Variants in KCNK3 observed in about 807,000 individuals in gnomAD.
The protein encoded by KCNK3 is potassium two pore domain channel subfamily K member 3, also known as potassium channel subfamily K member 3.
In KCNK3, 9 loss-of-function variants were observed where a neutral mutation model predicts 27.3. The ratio of observed to expected loss-of-function variants is 0.33; its 90% CI spans 0.20 to 0.57. KCNK3 has a LOEUF of 0.57. Among genes scored for constraint, KCNK3 ranks in the 20% least tolerant of loss-of-function variants. The pLI, the probability that KCNK3 is intolerant of heterozygous loss-of-function variation, is 0.87. For missense variants in KCNK3, 391 were observed against 577.7 expected, an observed-to-expected ratio of 0.68 and a Z score of 3.31; for synonymous variants, 278 against 273.8, an observed-to-expected ratio of 1.02 and a Z score of -0.15.
Position 26,692,987 on chromosome 2 carries a change from C to A in KCNK3, c.112C>A (p.Arg38=), listed in dbSNP as rs1361761814. The A allele has an allele frequency of 6.3e-7, 1 of 1,575,386 alleles. No individual in the cohort carries two copies. Among genetic ancestry groups the A allele is most frequent in the Middle Eastern group, 1.9e-4 (1 of 5,364 alleles). Residue 38 remains arginine, a synonymous_variant, in exon 1 of 2, where the codon CGG becomes AGG. Transcript: ENST00000302909. The surrounding 1 kb of genome is among the most constrained non-coding windows in gnomAD (Gnocchi z 5.6). ...GGAGTCGGAGCCCGAGCTGATCGAG[C>A]GGCAGCGGCTGGAGCTGCGGCAGCA... ...ALESEPELIE[R]QRLELRQQEL...
chr2:26,693,602 G>C lies in KCNK3; in HGVS notation c.283+444G>C, dbSNP rs974107574. On this transcript the variant is annotated intron_variant, in intron 1 of 1. Transcript: ENST00000302909. The surrounding 1 kb of genome is among the most constrained non-coding windows in gnomAD (Gnocchi z 5.5). ...GTCTACACCTGCTGGGCTCTGGGGA[G>C]GCATGAGGATGTCGGAATGCGGCAC... is the stretch of plus-strand genomic sequence containing the variant. 1.8e-4 allele frequency among the ~76,000 whole-genome samples: 28 copies of C among 152,214 alleles called. No individual in the cohort carries two copies. Among genetic ancestry groups the C allele is most frequent in the African/African-American group, 5.3e-4 (22 of 41,460 alleles).
rs1572599456 is a variant in KCNK3, at chr2:26,694,311, C to G, written c.283+1153C>G. On this transcript the variant is annotated intron_variant, in intron 1 of 1. Transcript: ENST00000302909. ...TTGAGATGCCTCCAGAAGCAGTTTC[C>G]TCTGTCTTTACTGTTCCCTCTCCTC... Among the ~76,000 whole-genome samples, 4 of 152,324 alleles carry G rather than the reference C, an allele frequency of 2.6e-5. No individual in the cohort carries two copies. In the South Asian group the frequency reaches 8.3e-4, roughly 32 times the overall value.
chr2:26,726,959 C>T (rs1663431755), intron 1 of KCNK3, among the ~76,000 whole-genome samples: 1 of 152,182 alleles, frequency 6.6e-6, no homozygotes, highest in Admixed American at 6.5e-5. Context: ...GATGGGGACC[C>T]TGGAACACTC....
At chr2:26,704,927 C>G (rs1456526925) in intron 1 of KCNK3, among the ~76,000 whole-genome samples, 1 of 152,160 alleles carries the variant, frequency 6.6e-6, no homozygotes, top group East Asian at 1.9e-4. Flanking sequence ...TTACCTCATC[C>G]AATCCTCATG....
rs1213240708 is a variant in KCNK3, at chr2:26,693,425, C to T, written c.283+267C>T. Among the ~76,000 whole-genome samples, 3 of 152,230 alleles carry T rather than the reference C, an allele frequency of 2.0e-5. No homozygotes were observed. The highest frequency in any genetic ancestry group is 2.9e-5 in the Non-Finnish European group (2 of 68,026). ...GCCATGTTGCATAGGCCCCCAGGGA[C>T]TCCGAAGTGTGTGAGAGGGGCAGGG... is the stretch of plus-strand genomic sequence containing the variant. On this transcript the variant is annotated intron_variant, in intron 1 of 1. Coordinates refer to ENST00000302909, the MANE Select transcript of KCNK3 (RefSeq NM_002246.3). The surrounding 1 kb of genome is among the most constrained non-coding windows in gnomAD (Gnocchi z 5.5).
chr2:26,725,834 G>C (rs762416043), intron 1 of KCNK3, among the ~76,000 whole-genome samples: 2 of 152,184 alleles, frequency 1.3e-5, no homozygotes, highest in Non-Finnish European at 2.9e-5. Context: ...GGTTGACAGA[G>C]GTGCCAGCTT....
At chr2:26,708,923 G>A (rs977168615) in intron 1 of KCNK3, among the ~76,000 whole-genome samples, 1 of 152,176 alleles carries the variant, frequency 6.6e-6, no homozygotes. Flanking sequence ...GACCAGCGTG[G>A]TGGTGGTGGA....
intron 1 of KCNK3, among the ~76,000 whole-genome samples, chr2:26,713,555 G>A (rs942947912): frequency 1.1e-4 from 16 of 151,992 alleles, no homozygotes; most frequent in Non-Finnish European, 1.6e-4. Context: ...CGAGGCGGGC[G>A]GATCCCCTGA....
At chr2:26,695,795 GCAGA>G (rs1670227786) in intron 1 of KCNK3, among the ~76,000 whole-genome samples, 1 of 152,178 alleles carries the variant, frequency 6.6e-6, no homozygotes. Flanking sequence ...GGGGGGAGAG[GCAGA>G]CAGAGTGCGG....
chr2:26,715,626 G>C (rs62129550), intron 1 of KCNK3, among the ~76,000 whole-genome samples: 3 of 152,196 alleles, frequency 2.0e-5, no homozygotes, highest in African/African-American at 7.2e-5. Flanking sequence ...TCTTGGCATG[G>C]GAGACTCAGG....
intron 1 of KCNK3, among the ~76,000 whole-genome samples, chr2:26,722,041 A>G (rs1393382991): frequency 6.6e-6 from 1 of 152,220 alleles, no homozygotes; most frequent in Non-Finnish European, 1.5e-5. Context: ...CTGTGCTCCC[A>G]GAAACACTTG....
At chr2:26,709,235 C>T (rs762592030) in intron 1 of KCNK3, among the ~76,000 whole-genome samples, 31 of 152,100 alleles carry the variant, frequency 2.0e-4, no homozygotes, top group Non-Finnish European at 3.4e-4. Context: ...GTCTGCAGCT[C>T]GAGGGAGAAG....
chr2:26,700,158 C>T (rs1292130622), intron 1 of KCNK3, among the ~76,000 whole-genome samples: 1 of 152,236 alleles, frequency 6.6e-6, no homozygotes, highest in Non-Finnish European at 1.5e-5. Flanking sequence ...AAAATCCAGG[C>T]TGGAGAAGGG....
intron 1 of KCNK3, among the ~76,000 whole-genome samples, chr2:26,699,583 G>A (rs542250354): frequency 2.0e-5 from 3 of 152,256 alleles, no homozygotes; most frequent in African/African-American, 7.2e-5. Flanking sequence ...TTAAAAAAAT[G>A]TAGAAATGAT....
chr2:26,726,243 A>G (rs964734971), intron 1 of KCNK3, among the ~76,000 whole-genome samples: 3 of 152,090 alleles, frequency 2.0e-5, no homozygotes, highest in African/African-American at 7.2e-5. Flanking sequence ...GTGGAGGTAG[A>G]AGCTAGAGAG....
intron 1 of KCNK3, among the ~76,000 whole-genome samples, chr2:26,725,287 G>A (rs138686690): frequency 7.4e-4 from 113 of 152,284 alleles, no homozygotes; most frequent in African/African-American, 2.6e-3. Context: ...GAGCTCTAAC[G>A]CCCAGTCTCT....
At chr2:26,710,169 A>G (rs1021397540) in intron 1 of KCNK3, among the ~76,000 whole-genome samples, 34 of 152,196 alleles carry the variant, frequency 2.2e-4, no homozygotes, top group African/African-American at 8.0e-4. Context: ...AGAGCTTTGC[A>G]GGGAACCTGG....
At chr2:26,713,018 TC>T (rs1558599648) in intron 1 of KCNK3, among the ~76,000 whole-genome samples, 1 of 151,768 alleles carries the variant, frequency 6.6e-6, no homozygotes, top group African/African-American at 2.4e-5. Flanking sequence ...TGCCCCAAGC[TC>T]CCCCCACCAC....
At chr2:26,727,639 T>A (rs752526959) in intron 1 of KCNK3, 28 bp from the exon 2 acceptor site, 1 of 1,510,088 alleles carries the variant, frequency 6.6e-7, no homozygotes, top group Non-Finnish European at 8.9e-7. Flanking sequence ...AATGTGTGCT[T>A]TTTCTCCTCT....
Sources: allele counts gnomAD v4.1 joint callset (sites outside exome capture counted in the v4.1 genomes callset), GRCh38; gene constraint gnomAD v4.1.1; non-coding constraint Gnocchi (gnomAD v3.1); transcripts MANE v1.5; gene names NCBI Gene and HGNC (gene_info 2026-07-23, HGNC 2026-07-21).